The following TENM3 variants were observed in gnomAD, a reference collection of about 807,000 sequenced individuals.
TENM3 encodes the protein teneurin-3.
TENM3 carries 63 observed loss-of-function variants against 255.1 expected under a neutral mutation model. The ratio of observed to expected loss-of-function variants is 0.25; its 90% CI spans 0.20 to 0.30. TENM3 has a LOEUF of 0.30. Among genes scored for constraint, TENM3 ranks in the 10% least tolerant of loss-of-function variants. TENM3 has a pLI of 1.00. For synonymous variants in TENM3, 1,306 were observed against 1,322.3 expected (o/e 0.99, Z 0.27); for missense variants, 2,929 against 3,461.1 (o/e 0.85, Z 3.86).
chr4:182,714,433 TATC>T (rs1028980286), intron 13 of TENM3, among the ~76,000 whole-genome samples, 200 bp downstream of exon 13: 1 of 152,056 alleles, frequency 6.6e-6, no homozygotes, highest in African/African-American at 2.4e-5. Context: ...GCAAGATTAT[TATC>T]ATTCAGGGAA....
At position 182,527,158 on chromosome 4, in the gene TENM3, A is replaced by G. The variant is rs1266794978; in HGVS notation, c.512-73766A>G. On this transcript the variant is annotated intron_variant, in intron 3 of 27. Coordinates refer to ENST00000511685, the MANE Select transcript of TENM3 (RefSeq NM_001080477.4). Reference sequence around the variant, plus strand: ...AAGTAGTTAACAATCAAAGGAGGTAATACAGTCAAATAAAAAGTTAGGCAA... The same window carrying G: ...AAGTAGTTAACAATCAAAGGAGGTAGTACAGTCAAATAAAAAGTTAGGCAA... Among the ~76,000 whole-genome samples, 3 of 152,244 alleles carry G rather than the reference A, an allele frequency of 2.0e-5. No homozygotes were observed. In the East Asian group the frequency reaches 5.8e-4, roughly 29 times the overall value.
the TENM3 span, among the ~76,000 whole-genome samples, chr4:181,660,819 C>A: frequency 9.3e-4 from 141 of 152,234 alleles, no homozygotes; most frequent in African/African-American, 3.2e-3. Flanking sequence ...GAATTTATAG[C>A]AACCAATACA....
chr4:181,452,455 T>C, the TENM3 span, among the ~76,000 whole-genome samples: 1 of 152,122 alleles, frequency 6.6e-6, no homozygotes, highest in Middle Eastern at 3.2e-3. Flanking sequence ...GTTCTCATGA[T>C]AGTGAGTGAG....
At chr4:181,955,433 C>G in the TENM3 span, among the ~76,000 whole-genome samples, 3 of 152,122 alleles carry the variant, frequency 2.0e-5, no homozygotes, top group Non-Finnish European at 4.4e-5. Context: ...GAGAATCAGC[C>G]AGGAAAATGT....
the TENM3 span, among the ~76,000 whole-genome samples, chr4:181,739,563 T>A: frequency 2.9e-3 from 435 of 152,298 alleles, 5 homozygotes; most frequent in Non-Finnish European, 5.4e-4. Flanking sequence ...TCAACAGGAA[T>A]GATTGACGTC....
At chr4:181,968,174 G>A in the TENM3 span, among the ~76,000 whole-genome samples, 3 of 152,166 alleles carry the variant, frequency 2.0e-5, no homozygotes, top group Non-Finnish European at 2.9e-5. Context: ...CCTGAGATAT[G>A]TGTTTACCAG....
At chr4:182,369,574 T>G (rs1212981322) in intron 3 of TENM3, among the ~76,000 whole-genome samples, 1 of 152,182 alleles carries the variant, frequency 6.6e-6, no homozygotes, top group Non-Finnish European at 1.5e-5. Flanking sequence ...GTTTAAGATG[T>G]AATCCTGCTA....
chr4:181,832,825 G>A, the TENM3 span, among the ~76,000 whole-genome samples: 153 of 152,248 alleles, frequency 1.0e-3, 1 homozygote, highest in East Asian at 0.021. Context: ...CGGGTTGTGT[G>A]GGGGGCAGCC....
At chr4:181,599,982 G>A in the TENM3 span, among the ~76,000 whole-genome samples, 12 of 152,202 alleles carry the variant, frequency 7.9e-5, no homozygotes, top group African/African-American at 1.4e-4. Context: ...CCTCTGAATC[G>A]TGACTGTATC....
chr4:182,394,537 T>C (rs1263042584), intron 3 of TENM3, among the ~76,000 whole-genome samples: 1 of 152,166 alleles, frequency 6.6e-6, no homozygotes, highest in Non-Finnish European at 1.5e-5. Context: ...TTTACTGCAT[T>C]TGAGAGCAGT....
At chr4:181,849,930 T>TTCTCTCTC in the TENM3 span, among the ~76,000 whole-genome samples, 389 of 84,080 alleles carry the variant, frequency 4.6e-3, 9 homozygotes, top group African/African-American at 0.013. Flanking sequence ...CTCTCTCTCT[T>TTCTCTCTC]TCTCTCTCTC....
rs560708278 is a variant in TENM3, at chr4:182,551,858, C to CA, written c.512-49060dup. On this transcript the variant is annotated intron_variant, in intron 3 of 27. Transcript: ENST00000511685. ...CAGCATAGTGAGACCCCCATCCCTA[C>CA]AAAAAATAACTAGCCAGGCGTGGTA... is the stretch of plus-strand genomic sequence containing the variant. Among the ~76,000 whole-genome samples, 35 of 151,690 alleles carry CA rather than the reference C, an allele frequency of 2.3e-4. 1 individual carries two copies. Among genetic ancestry groups the CA allele is most frequent in the South Asian group, 6.3e-4 (3 of 4,792 alleles).
At chr4:182,136,973 C>G in the TENM3 span, among the ~76,000 whole-genome samples, 65,707 of 149,640 alleles carry the variant, frequency 0.44, 14,255 homozygotes, top group East Asian at 0.49. Context: ...CTCCAGTCAG[C>G]ATCCCCCCCC....
chr4:182,787,776 T>C (rs1037446706), intron 24 of TENM3, among the ~76,000 whole-genome samples: 1 of 141,552 alleles, frequency 7.1e-6, no homozygotes, highest in East Asian at 2.3e-4. Flanking sequence ...GTGATTTCTC[T>C]CCAGGGCTCT....
At chr4:181,887,133 T>C in the TENM3 span, among the ~76,000 whole-genome samples, 4 of 152,316 alleles carry the variant, frequency 2.6e-5, no homozygotes, top group East Asian at 7.7e-4. Flanking sequence ...AAAAGACTGA[T>C]TATAATGGGC....
chr4:182,326,492 C>A (rs1763418588), intron 2 of TENM3, among the ~76,000 whole-genome samples: 1 of 148,536 alleles, frequency 6.7e-6, no homozygotes, highest in Admixed American at 6.8e-5. Flanking sequence ...TAAAATATCA[C>A]CCTTTGATTT....
chr4:182,346,082 TA>T (rs1353003490), intron 2 of TENM3, among the ~76,000 whole-genome samples: 7 of 151,796 alleles, frequency 4.6e-5, no homozygotes, highest in African/African-American at 1.5e-4. Context: ...CATACATACA[TA>T]CATACATACA....
chr4:182,714,901 T>C (rs951787538), intron 13 of TENM3, among the ~76,000 whole-genome samples: 1 of 152,208 alleles, frequency 6.6e-6, no homozygotes, highest in African/African-American at 2.4e-5. Context: ...TTTTGTTTTT[T>C]GAGATAGAGT....
chr4:181,870,261 G>T, the TENM3 span, among the ~76,000 whole-genome samples: 1 of 152,088 alleles, frequency 6.6e-6, no homozygotes, highest in Non-Finnish European at 1.5e-5. Flanking sequence ...CCAAGTTTTA[G>T]ATACTATGAT....
Sources: gnomAD v4.1 joint callset for allele counts (sites outside exome capture counted in the v4.1 genomes callset) on GRCh38, gnomAD v4.1.1 for gene constraint, MANE v1.5 for transcripts, NCBI Gene and HGNC (gene_info 2026-07-23, HGNC 2026-07-21) for gene names.